TNRC6C: variants seen among roughly 807,000 people sequenced by gnomAD.
TNRC6C encodes the protein trinucleotide repeat containing adaptor 6C, also known as trinucleotide repeat-containing gene 6C protein.
Under a neutral mutation model 153.7 loss-of-function variants are expected in TNRC6C, and 20 were observed. The ratio of observed to expected loss-of-function variants is 0.13; its 90% confidence interval spans 0.09 to 0.19. The LOEUF is 0.19. Among genes scored for constraint, TNRC6C ranks in the 10% least tolerant of loss-of-function variants. TNRC6C has a pLI of 1.00. For missense variants in TNRC6C, 1,987 were observed against 2,172.0 expected (o/e 0.91, Z 1.69); for synonymous variants, 811 against 841.4 (o/e 0.96, Z 0.63).
At chr17:78,003,341 C>T (rs891586798), upstream of TNRC6C, among the ~76,000 whole-genome samples, 1 of 151,718 alleles carries the variant, frequency 6.6e-6, no homozygotes, top group Non-Finnish European at 1.5e-5. Flanking sequence ...GAAGAGGCAT[C>T]CAGAGAAGGA....
Position 78,084,396 on chromosome 17 carries a change from T to G in TNRC6C, c.3477+1230T>G, listed in dbSNP as rs367944074. On this transcript the variant is annotated intron_variant, in intron 11 of 19. Transcript: ENST00000301624. ...CATAAAACCTTTGCTAATGAGAGAG[T>G]ACCTCAGCCCTCAGTCTTTCCCCTT... is the stretch of plus-strand genomic sequence containing the variant. 7.4e-5 allele frequency among the ~76,000 whole-genome samples: 11 copies of G among 148,216 alleles called. 3 individuals carry two copies. The highest frequency in any genetic ancestry group is 2.7e-4 in the African/African-American group (11 of 40,008).
At chr17:77,988,165 A>G (rs2071198801) in intron 1 of TNRC6C, among the ~76,000 whole-genome samples, 1 of 152,102 alleles carries the variant, frequency 6.6e-6, no homozygotes, top group Non-Finnish European at 1.5e-5. Context: ...CAGCCTGGGC[A>G]ACAGGGTGAG....
At chr17:78,093,405 G>A (rs1189238311) in intron 15 of TNRC6C, 23 of 693,278 alleles carry the variant, frequency 3.3e-5, no homozygotes, top group Non-Finnish European at 4.5e-5. Flanking sequence ...TTCCAACCCT[G>A]TGTGAAAACT....
At chr17:78,050,941 G>C (rs1348781500) in exon 3 of TNRC6C, 1 of 1,613,972 alleles carries the variant, frequency 6.2e-7, no homozygotes, top group Non-Finnish European at 8.5e-7. Context: ...TAATAGGTCA[G>C]GGTCTGGTTG....
chr17:78,071,089 T>C, exon 6 of TNRC6C: 1 of 1,602,704 alleles, frequency 6.2e-7, no homozygotes, highest in Admixed American at 1.7e-5. Flanking sequence ...TTCAAGGGCA[T>C]GAAGACGTCT....
At chr17:78,091,704 T>C (rs2073397417) in intron 14 of TNRC6C, 97 bp downstream of exon 16, 23 of 1,244,404 alleles carry the variant, frequency 1.8e-5, no homozygotes, top group Non-Finnish European at 2.4e-5. Flanking sequence ...TTTCTAAGAA[T>C]TGAGCACTGA....
chr17:77,962,995 A>G (rs2070872876), intron 1 of TNRC6C, among the ~76,000 whole-genome samples: 1 of 152,242 alleles, frequency 6.6e-6, no homozygotes, highest in South Asian at 2.1e-4. Flanking sequence ...TAGATTGTAC[A>G]GGTTTTCTTG....
intron 16 of TNRC6C, among the ~76,000 whole-genome samples, chr17:78,094,171 AG>A (rs2073442141): frequency 6.6e-6 from 1 of 151,834 alleles, no homozygotes; most frequent in Non-Finnish European, 1.5e-5. Flanking sequence ...TAGTAGAGAC[AG>A]GGTTTTGCCA....
chr17:78,050,004 C>T (rs2072489579), exon 3 of TNRC6C: 1 of 1,613,690 alleles, frequency 6.2e-7, no homozygotes, highest in Non-Finnish European at 8.5e-7. Context: ...GGGGAAGGGG[C>T]AGTGGCAACA....
intron 3 of TNRC6C, among the ~76,000 whole-genome samples, chr17:78,052,362 C>T (rs1426063996): frequency 6.6e-6 from 1 of 152,176 alleles, no homozygotes; most frequent in Non-Finnish European, 1.5e-5. Flanking sequence ...TCACCATACA[C>T]AGTGAATTTA....
rs541843108 is a variant in TNRC6C, at chr17:77,994,550, C to T, written c.-37-9620C>T. ...TTGAATAGAAAGCCACCCTGGGGAT[C>T]ATCTGCAGTCAGTTCTCATGTAGTT... On this transcript the variant is annotated intron_variant, in intron 1 of 22. Coordinates refer to the TNRC6C transcript ENST00000636222. Among the ~76,000 whole-genome samples the T allele has an allele frequency of 7.2e-5, 11 of 152,338 alleles. No homozygotes were observed. In the South Asian group the frequency reaches 2.1e-3, roughly 29 times the overall value.
chr17:77,974,166 G>A (rs2070966373), intron 1 of TNRC6C, among the ~76,000 whole-genome samples: 1 of 152,032 alleles, frequency 6.6e-6, no homozygotes, highest in Admixed American at 6.6e-5. Flanking sequence ...AAGCTAGTAA[G>A]GGACTTGTAT....
intron 1 of TNRC6C, among the ~76,000 whole-genome samples, chr17:77,960,456 A>G (rs1189352212): frequency 6.6e-6 from 1 of 152,208 alleles, no homozygotes; most frequent in Non-Finnish European, 1.5e-5. Flanking sequence ...GAGCCTGCAT[A>G]AGGCCTACTT....
chr17:78,101,912 G>GT (rs998005654), intron 17 of TNRC6C, among the ~76,000 whole-genome samples: 5 of 137,970 alleles, frequency 3.6e-5, no homozygotes, highest in Non-Finnish European at 6.3e-5. Context: ...GCTGCAGAGA[G>GT]TTTTTTTTAT....
At chr17:78,033,986 C>T (rs9899225) in intron 2 of TNRC6C, among the ~76,000 whole-genome samples, 1 of 152,132 alleles carries the variant, frequency 6.6e-6, no homozygotes. Flanking sequence ...CCGTTTTTCT[C>T]TCTGGCTGTG....
chr17:78,096,991 G>C (rs2073498959), intron 16 of TNRC6C, among the ~76,000 whole-genome samples: 1 of 152,164 alleles, frequency 6.6e-6, no homozygotes, highest in South Asian at 2.1e-4. Flanking sequence ...CCTAGGGATA[G>C]AATAACTCAA....
upstream of TNRC6C, among the ~76,000 whole-genome samples, chr17:78,000,353 C>T (rs542355657): frequency 6.6e-5 from 10 of 152,284 alleles, no homozygotes; most frequent in South Asian, 4.1e-4. Flanking sequence ...TTTGTCTTAT[C>T]CTTCTCATAC....
chr17:78,094,082 C>T (rs1485282908), intron 16 of TNRC6C, among the ~76,000 whole-genome samples: 3 of 151,260 alleles, frequency 2.0e-5, no homozygotes, highest in African/African-American at 7.3e-5. Context: ...TGGGTTCAAG[C>T]GACTCTCCTG....
exon 3 of TNRC6C, chr17:78,050,351 G>A (rs746122613): frequency 6.2e-7 from 1 of 1,611,386 alleles, no homozygotes; most frequent in South Asian, 1.1e-5. Context: ...ATAGACCAAG[G>A]GCACATCCAG....
Sources: allele counts gnomAD v4.1 joint callset (sites outside exome capture counted in the v4.1 genomes callset), GRCh38; gene constraint gnomAD v4.1.1; transcripts MANE v1.5; gene names NCBI Gene and HGNC (gene_info 2026-07-23, HGNC 2026-07-21).